HMCN1: variants seen among roughly 807,000 people sequenced by gnomAD.
HMCN1 encodes the protein hemicentin-1.
Under a neutral mutation model 625.9 loss-of-function variants are expected in HMCN1, and 321 were observed. That is an observed-to-expected ratio of 0.51 (90% CI 0.47 to 0.56). HMCN1 has a LOEUF of 0.56. Among genes scored for constraint, HMCN1 ranks in the 20% least tolerant of loss-of-function variants. HMCN1 has a pLI of 0.00. For synonymous variants in HMCN1, 2,425 were observed against 2,417.6 expected, an observed-to-expected ratio of 1.00 and a Z score of -0.09; for missense variants, 6,588 against 6,887.3, an observed-to-expected ratio of 0.96 and a Z score of 1.54.
intron 46 of HMCN1, among the ~76,000 whole-genome samples, chr1:186,061,364 AACTC>A (rs971751529): frequency 1.3e-5 from 2 of 152,058 alleles, no homozygotes; most frequent in Non-Finnish European, 2.9e-5. Context: ...ATCTTATGGC[AACTC>A]ACTCACTATG....
In HMCN1 at chr1:186,190,133, T is replaced by A; in HGVS notation, c.*255T>A. On this transcript the variant is annotated 3_prime_UTR_variant, in exon 107 of 107. Transcript: ENST00000271588. The stretch of plus-strand genomic sequence containing the variant: ...TGGAGCAGTTACTTCCCAAAGATTA[T>A]TCTGAACATCTAACAGGACATATCA... 1.9e-6 allele frequency: 1 copy of A among 531,302 alleles called. No homozygotes were observed. The highest frequency in any genetic ancestry group is 3.4e-6 in the Non-Finnish European group (1 of 293,704). The allele number at this position is 531,302 out of a possible 1,614,324, so 32.9% of individuals were successfully genotyped here. A position where few individuals can be genotyped will look rare whatever the true frequency, so the allele number is the denominator to read the frequency against.
At chr1:185,859,698 G>A (rs1050443726) in intron 2 of HMCN1, among the ~76,000 whole-genome samples, 4 of 151,858 alleles carry the variant, frequency 2.6e-5, no homozygotes. Context: ...GAGTCTCGCT[G>A]GGAGTCACCC....
At chr1:185,789,718 T>C (rs1255840961) in intron 1 of HMCN1, among the ~76,000 whole-genome samples, 1 of 152,230 alleles carries the variant, frequency 6.6e-6, no homozygotes, top group Non-Finnish European at 1.5e-5. Context: ...ACATTAGATG[T>C]ACCTTGTGAT....
At chr1:185,966,029 G>T (rs1174202492) in intron 14 of HMCN1, 114 bp downstream of exon 14, 2 of 730,320 alleles carry the variant, frequency 2.7e-6, no homozygotes, top group Non-Finnish European at 2.5e-6. Context: ...CATAAAATGT[G>T]TTTATGATCT....
intron 2 of HMCN1, among the ~76,000 whole-genome samples, chr1:185,863,982 G>T (rs997824545): frequency 6.6e-6 from 1 of 152,164 alleles, no homozygotes; most frequent in Non-Finnish European, 1.5e-5. Context: ...TGAGTAGTTA[G>T]CCCTAGCCAT....
chr1:185,801,150 GA>G (rs1387481375), intron 1 of HMCN1, among the ~76,000 whole-genome samples: 5 of 152,084 alleles, frequency 3.3e-5, no homozygotes, highest in African/African-American at 4.8e-5. Flanking sequence ...CTTCCTGAAA[GA>G]AAAAAAGTAT....
intron 106 of HMCN1, among the ~76,000 whole-genome samples, chr1:186,188,603 G>A (rs545093602): frequency 1.5e-4 from 23 of 152,228 alleles, no homozygotes; most frequent in African/African-American, 5.3e-4. Flanking sequence ...AGTTAACAGG[G>A]TGATTGAAAA....
chr1:186,020,778 T>C (rs1046465679), intron 35 of HMCN1, among the ~76,000 whole-genome samples: 1 of 152,024 alleles, frequency 6.6e-6, no homozygotes, highest in African/African-American at 2.4e-5. Flanking sequence ...AATATGTGCA[T>C]GGGCAAATAA....
At chr1:186,119,682 T>C (rs1188575186) in intron 78 of HMCN1, 63 bp from the exon 79 acceptor site, 4 of 1,529,334 alleles carry the variant, frequency 2.6e-6, no homozygotes, top group African/African-American at 1.4e-5. Context: ...AGCTCATTAC[T>C]ACAATAGACA....
At chr1:185,988,646 A>G (rs1047528306) in intron 20 of HMCN1, among the ~76,000 whole-genome samples, 3 of 152,218 alleles carry the variant, frequency 2.0e-5, no homozygotes, top group Non-Finnish European at 4.4e-5. Flanking sequence ...AAATATTTCC[A>G]GGTTGATCTT....
At chr1:186,021,797 G>A (rs185258456) in intron 35 of HMCN1, among the ~76,000 whole-genome samples, 31 of 152,066 alleles carry the variant, frequency 2.0e-4, no homozygotes, top group Admixed American at 2.0e-3. Flanking sequence ...TTGGTTAAAG[G>A]ATCAAATTTG....
chr1:185,844,280 A>T (rs1461514181), intron 1 of HMCN1, among the ~76,000 whole-genome samples: 2 of 152,184 alleles, frequency 1.3e-5, no homozygotes, highest in Non-Finnish European at 2.9e-5. Context: ...TATGGAATGC[A>T]GATGTTTGCA....
intron 6 of HMCN1, among the ~76,000 whole-genome samples, chr1:185,920,276 G>A (rs541293904): frequency 6.6e-6 from 1 of 152,118 alleles, no homozygotes; most frequent in South Asian, 2.1e-4. Flanking sequence ...TATTTGGGAT[G>A]TCCTTTGTTT....
chr1:185,797,398 AG>A (rs1658460726), intron 1 of HMCN1, among the ~76,000 whole-genome samples: 1 of 152,198 alleles, frequency 6.6e-6, no homozygotes, highest in Non-Finnish European at 1.5e-5. Flanking sequence ...TCAAACCTCT[AG>A]GCTTAAGCAG....
chr1:186,063,066 G>GTGTGTGTGTATATA (rs1491400415), intron 48 of HMCN1, among the ~76,000 whole-genome samples: 1 of 29,940 alleles, frequency 3.3e-5, no homozygotes, highest in Non-Finnish European at 6.0e-5. Flanking sequence ...GTGTGTGTGT[G>GTGTGTGTGTATATA]CATATATATA....
At chr1:186,035,893 T>C (rs1655787146) in intron 36 of HMCN1, among the ~76,000 whole-genome samples, 1 of 152,146 alleles carries the variant, frequency 6.6e-6, no homozygotes, top group Non-Finnish European at 1.5e-5. Context: ...GGTACTTTTA[T>C]TTTTCATATT....
At chr1:185,827,666 C>T (rs1045156878) in intron 1 of HMCN1, among the ~76,000 whole-genome samples, 6 of 150,714 alleles carry the variant, frequency 4.0e-5, no homozygotes, top group African/African-American at 9.8e-5. Flanking sequence ...TTTGGAGTCA[C>T]GAATAAAAAT....
In HMCN1 at chr1:185,925,201, T is replaced by C; in HGVS notation, c.1430+10T>C. The C allele has an allele frequency of 6.2e-7, 1 of 1,609,426 alleles. No individual in the cohort carries two copies. Among genetic ancestry groups the C allele is most frequent in the East Asian group, 2.2e-5 (1 of 44,850 alleles). ...TAGACCAGTATTTGAAGTAGGTACA[T>C]GTTTCTGTCAGTAATAAGATTCAGC... On this transcript the variant is annotated intron_variant, in intron 9 of 106. Transcript: ENST00000271588.
intron 1 of HMCN1, among the ~76,000 whole-genome samples, chr1:185,755,701 AC>A (rs1294307685): frequency 6.6e-6 from 1 of 152,152 alleles, no homozygotes; most frequent in Admixed American, 6.5e-5. Flanking sequence ...GAAGACTGTG[AC>A]AGACCAGGGC....
Sources: allele counts gnomAD v4.1 joint callset (sites outside exome capture counted in the v4.1 genomes callset), GRCh38; gene constraint gnomAD v4.1.1; transcripts MANE v1.5; gene names NCBI Gene and HGNC (gene_info 2026-07-23, HGNC 2026-07-21).